The following RBFOX1 variants were observed in gnomAD, a reference collection of about 807,000 sequenced individuals.
The protein encoded by RBFOX1 is RNA binding protein fox-1 homolog 1.
Under a neutral mutation model 57.7 loss-of-function variants are expected in RBFOX1, and 8 were observed. The ratio of observed to expected loss-of-function variants is 0.14; its 90% confidence interval spans 0.08 to 0.25. The LOEUF (loss-of-function observed/expected upper bound fraction) is 0.25, where lower values mean the gene tolerates loss of function less well. Ranked by LOEUF, RBFOX1 falls within the 10% of genes least tolerant of loss-of-function variation. RBFOX1 has a pLI of 1.00. For synonymous variants in RBFOX1, 326 were observed against 222.4 expected (o/e 1.47, Z -4.15); for missense variants, 611 against 548.5 (o/e 1.11, Z -1.14).
At chr16:7,398,156 C>T (rs1034512055) in intron 4 of RBFOX1, among the ~76,000 whole-genome samples, 7 of 152,168 alleles carry the variant, frequency 4.6e-5, no homozygotes, top group African/African-American at 1.7e-4. Flanking sequence ...CTCTTTTGGA[C>T]CCATTTCAAA....
chr16:7,004,446 C>T (rs915302172), intron 3 of RBFOX1, among the ~76,000 whole-genome samples: 2 of 152,096 alleles, frequency 1.3e-5, no homozygotes, highest in African/African-American at 2.4e-5. Context: ...GGTGGAGTCA[C>T]CATAGCCTGG....
chr16:6,904,105 C>T (rs554529293), intron 3 of RBFOX1, among the ~76,000 whole-genome samples: 1 of 152,292 alleles, frequency 6.6e-6, no homozygotes, highest in Non-Finnish European at 1.5e-5. Context: ...TTATTCACCA[C>T]CCCTATACCT....
chr16:7,521,015 A>G (rs541990759), intron 5 of RBFOX1, among the ~76,000 whole-genome samples: 1 of 152,362 alleles, frequency 6.6e-6, no homozygotes, highest in African/African-American at 2.4e-5. Context: ...AGCATGTGGC[A>G]AATAGCATGT....
intron 4 of RBFOX1, among the ~76,000 whole-genome samples, chr16:7,304,714 C>T (rs1463127084): frequency 6.6e-6 from 1 of 152,190 alleles, no homozygotes; most frequent in Non-Finnish European, 1.5e-5. Context: ...GATGCCCAGC[C>T]TGGGCACCGG....
intron 2 of RBFOX1, among the ~76,000 whole-genome samples, chr16:6,349,071 G>A (rs2085847835): frequency 1.3e-5 from 2 of 152,088 alleles, no homozygotes; most frequent in South Asian, 2.1e-4. Flanking sequence ...TTGGCTAGGC[G>A]AGCTGATGCT....
intron 2 of RBFOX1, among the ~76,000 whole-genome samples, chr16:5,528,757 C>G (rs1432090456): frequency 6.6e-6 from 1 of 151,828 alleles, no homozygotes; most frequent in Admixed American, 6.6e-5. Flanking sequence ...TCAAGCGATT[C>G]TCCTGCCTCA....
chr16:5,732,143 G>T (rs763831067), intron 3 of RBFOX1, among the ~76,000 whole-genome samples: 6 of 152,106 alleles, frequency 3.9e-5, no homozygotes, highest in Non-Finnish European at 8.8e-5. Flanking sequence ...ACAGATAATT[G>T]CGGCATTTCA....
At chr16:5,720,037 A>T (rs1049147789) in intron 3 of RBFOX1, among the ~76,000 whole-genome samples, 1 of 151,730 alleles carries the variant, frequency 6.6e-6, no homozygotes, top group African/African-American at 2.4e-5. Flanking sequence ...TCCCCCTCAC[A>T]ATAAATGAAG....
chr16:7,709,475 TTGC>T (rs1330858091), intron 15 of RBFOX1: 1 of 1,458,680 alleles, frequency 6.9e-7, no homozygotes, highest in Non-Finnish European at 9.0e-7. Flanking sequence ...TTTCCCTCCC[TTGC>T]TGCTCATTCA....
intron 1 of RBFOX1, among the ~76,000 whole-genome samples, chr16:6,124,356 C>G (rs1260090532): frequency 1.3e-5 from 2 of 152,146 alleles, no homozygotes; most frequent in Admixed American, 6.5e-5. Context: ...AGAGCTGACC[C>G]TCTGCTATTG....
intron 2 of RBFOX1, among the ~76,000 whole-genome samples, chr16:6,372,441 G>T (rs777027633): frequency 1.3e-5 from 2 of 151,416 alleles, no homozygotes; most frequent in Admixed American, 1.3e-4. Flanking sequence ...TGGATGGAAG[G>T]ATAGTTGGTT....
At chr16:5,580,892 G>T (rs902343044) in intron 2 of RBFOX1, among the ~76,000 whole-genome samples, 1 of 152,154 alleles carries the variant, frequency 6.6e-6, no homozygotes, top group Non-Finnish European at 1.5e-5. Context: ...ATGCATCCAC[G>T]CTGGTCCTTC....
In RBFOX1 at chr16:6,097,167, TG is replaced by T. The variant is rs1469464821; in HGVS notation, c.-127+77176del. Among the ~76,000 whole-genome samples, 12 of 152,208 alleles carry T rather than the reference TG, an allele frequency of 7.9e-5. No individual in the cohort carries two copies. Among genetic ancestry groups the T allele is most frequent in the Non-Finnish European group, 1.5e-5 (1 of 68,034 alleles). On this transcript the variant is annotated intron_variant, in intron 1 of 15. Coordinates refer to ENST00000550418, the MANE Select transcript of RBFOX1 (RefSeq NM_018723.4). This position sits in a 1 kb window ranked among gnomAD's most constrained non-coding sequence, Gnocchi z 5.0. ...TTATATTCTTTCCTGTCTGCTGCCTTGTAAGACGTGACTTTCGCTTTCTGCC... is the reference window on the plus strand; with the variant it reads ...TTATATTCTTTCCTGTCTGCTGCCTTTAAGACGTGACTTTCGCTTTCTGCC...
chr16:7,412,386 G>T (rs1042720811), intron 4 of RBFOX1, among the ~76,000 whole-genome samples: 12 of 148,416 alleles, frequency 8.1e-5, no homozygotes, highest in Admixed American at 6.1e-4. Context: ...GTGCACTCCA[G>T]GCTGGGCAAC....
At chr16:5,403,586 A>G (rs1176235790) in intron 1 of RBFOX1, among the ~76,000 whole-genome samples, 1 of 152,062 alleles carries the variant, frequency 6.6e-6, no homozygotes, top group Non-Finnish European at 1.5e-5. Context: ...CTGGGATTAC[A>G]GGTGCATGAC....
At chr16:6,789,884 A>C (rs1382896599) in intron 3 of RBFOX1, among the ~76,000 whole-genome samples, 2 of 151,828 alleles carry the variant, frequency 1.3e-5, no homozygotes, top group African/African-American at 4.8e-5. Flanking sequence ...ATTTTCAAAA[A>C]ATACCCTTAA....
intron 5 of RBFOX1, among the ~76,000 whole-genome samples, chr16:7,556,150 G>C (rs909300965): frequency 1.3e-5 from 2 of 152,142 alleles, no homozygotes; most frequent in Admixed American, 1.3e-4. Flanking sequence ...CTTCATGATA[G>C]CTTAAAATTT....
chr16:6,804,844 G>A (rs2086349813), intron 3 of RBFOX1, among the ~76,000 whole-genome samples: 1 of 152,098 alleles, frequency 6.6e-6, no homozygotes, highest in South Asian at 2.1e-4. Context: ...TGGCAGTTAT[G>A]TCCTCCATAG....
chr16:7,094,346 G>A (rs1314327587), intron 4 of RBFOX1, among the ~76,000 whole-genome samples: 1 of 152,118 alleles, frequency 6.6e-6, no homozygotes, highest in African/African-American at 2.4e-5. Context: ...AGGAGAAGTA[G>A]AGAGAGCTTT....
Sources: allele counts gnomAD v4.1 joint callset (sites outside exome capture counted in the v4.1 genomes callset), GRCh38; gene constraint gnomAD v4.1.1; non-coding constraint Gnocchi (gnomAD v3.1); transcripts MANE v1.5; gene names NCBI Gene and HGNC (gene_info 2026-07-23, HGNC 2026-07-21).